The following AUNIP variants were observed in gnomAD, a reference collection of about 807,000 sequenced individuals.
The protein encoded by AUNIP is aurora kinase A- and ninein-interacting protein.
Under a neutral mutation model 12.2 loss-of-function variants are expected in AUNIP, and 16 were observed. The ratio of observed to expected loss-of-function variants is 1.31; its 90% CI spans 0.88 to 1.99. The LOEUF (loss-of-function observed/expected upper bound fraction) is 1.99, where lower values mean the gene tolerates loss of function less well. AUNIP is among the 30% of genes most tolerant of loss of function. AUNIP has a pLI of 0.00. For missense variants in AUNIP, 411 were observed against 419.1 expected (o/e 0.98, Z 0.17); for synonymous variants, 142 against 154.8 (o/e 0.92, Z 0.61).
rs112157382 is a variant in AUNIP, at chr1:25,834,517, T to C, written c.*476A>G. 9.6e-3 allele frequency: 7,375 copies of C among 766,020 alleles called. 374 individuals carry two copies. In the African/African-American group the frequency reaches 0.12, roughly 12 times the overall value. 47.5% of individuals were successfully genotyped at this position (766,020 alleles called of 1,614,324 possible). On this transcript the variant is annotated 3_prime_UTR_variant, in exon 3 of 3. Coordinates refer to ENST00000374298, the MANE Select transcript of AUNIP (RefSeq NM_024037.3). ...CTGTAGTCCCTGCTATTCGGGAGGC[T>C]GAGGCAGGAGAATCGCTTGAATCCG...
intron 1 of AUNIP, among the ~76,000 whole-genome samples, chr1:25,848,893 T>C (rs2048406187): frequency 6.6e-6 from 1 of 152,252 alleles, no homozygotes; most frequent in Admixed American, 6.5e-5. Context: ...GATTTAGGCT[T>C]GGGATTCTCC....
intron 1 of AUNIP, among the ~76,000 whole-genome samples, chr1:25,851,118 T>C (rs964379074): frequency 2.0e-5 from 3 of 152,230 alleles, no homozygotes; most frequent in Non-Finnish European, 4.4e-5. Context: ...TTTTTCTGTG[T>C]CTATTGACAT....
intron 1 of AUNIP, among the ~76,000 whole-genome samples, chr1:25,852,674 G>A (rs1184534143): frequency 4.6e-5 from 7 of 151,324 alleles, no homozygotes; most frequent in Admixed American, 1.3e-4. Context: ...TCCTGACCTC[G>A]GGTGATCCAC....
chr1:25,858,321 C>G (rs2048479690), intron 1 of AUNIP, among the ~76,000 whole-genome samples: 1 of 152,130 alleles, frequency 6.6e-6, no homozygotes. Context: ...ACATAGAAAG[C>G]ACTCAATAAA....
chr1:25,857,402 C>G (rs777556037), intron 1 of AUNIP, among the ~76,000 whole-genome samples: 5 of 151,360 alleles, frequency 3.3e-5, no homozygotes, highest in Admixed American at 2.0e-4. Context: ...CCTGCCACCA[C>G]GCCCAGCAAA....
rs1271002711 is a variant in AUNIP, at chr1:25,835,425, G to C, written c.642C>G (p.His214Gln). Reference sequence around the variant, plus strand: ...AGCATTTGTCCCCAGGTAGTTTGGTGTGTTTCTCCATACTCTGATAGTTCT... The same window carrying C: ...AGCATTTGTCCCCAGGTAGTTTGGTCTGTTTCTCCATACTCTGATAGTTCT... The part of the protein sequence containing the change: ...SKKNYQSMEK[H>Q]TKLPGDKCCQ... The change falls in exon 3 of 3, where the codon CAC (histidine) becomes CAG (glutamine). Residue 214 changes from histidine to glutamine, a missense_variant. His to Gln is a conservative substitution (Grantham distance 24, BLOSUM62 0). Coordinates refer to ENST00000374298, the MANE Select transcript of AUNIP (RefSeq NM_024037.3). 1.2e-6 allele frequency: 2 copies of C among 1,614,224 alleles called. No homozygotes were observed. The highest frequency in any genetic ancestry group is 2.2e-5 in the East Asian group (1 of 44,890).
At chr1:25,841,019 AT>A (rs2048343951) in intron 1 of AUNIP, among the ~76,000 whole-genome samples, 1 of 152,258 alleles carries the variant, frequency 6.6e-6, no homozygotes, top group Non-Finnish European at 1.5e-5. Flanking sequence ...AAAACTACAG[AT>A]TATCAGAAAA....
At chr1:25,858,793 C>A (rs2048482855) in intron 1 of AUNIP, among the ~76,000 whole-genome samples, 1 of 152,226 alleles carries the variant, frequency 6.6e-6, no homozygotes, top group African/African-American at 2.4e-5. Flanking sequence ...ATAGCTTCTA[C>A]TTTTCCCCTC....
rs973672392 is a variant in AUNIP, at chr1:25,834,027, G to A, written c.*966C>T. 2 of 984,502 alleles carry A rather than the reference G, an allele frequency of 2.0e-6. No homozygotes were observed. Among genetic ancestry groups the A allele is most frequent in the Non-Finnish European group, 2.4e-6 (2 of 829,232 alleles). 61.0% of individuals were successfully genotyped at this position (984,502 alleles called of 1,614,324 possible). A position where few individuals can be genotyped will look rare whatever the true frequency, so the allele number is the denominator to read the frequency against. On this transcript the variant is annotated 3_prime_UTR_variant, in exon 3 of 3. Coordinates refer to ENST00000374298, the MANE Select transcript of AUNIP (RefSeq NM_024037.3). The stretch of plus-strand genomic sequence containing the variant: ...GAGCCACTTTGTAAACATTTATTTG[G>A]ATTCATAGTTTTACAAAGGGGATTC...
chr1:25,840,319 A>C (rs560882084), intron 1 of AUNIP, among the ~76,000 whole-genome samples: 1 of 152,304 alleles, frequency 6.6e-6, no homozygotes, highest in African/African-American at 2.4e-5. Flanking sequence ...AACACAAACT[A>C]TACAAAATGA....
chr1:25,857,636 G>A (rs1394767380), intron 1 of AUNIP, among the ~76,000 whole-genome samples: 4 of 151,698 alleles, frequency 2.6e-5, no homozygotes, highest in Admixed American at 2.6e-4. Context: ...GCCGAGACGG[G>A]CGGATCACTT....
Position 25,834,510 on chromosome 1 carries a change from G to T in AUNIP, c.*483C>A. The T allele has an allele frequency of 1.1e-5, 8 of 750,486 alleles. No homozygotes were observed. Among genetic ancestry groups the T allele is most frequent in the Non-Finnish European group, 1.3e-5 (8 of 615,580 alleles). The allele number at this position is 750,486 out of a possible 1,614,324, so 46.5% of individuals were successfully genotyped here. The stretch of plus-strand genomic sequence containing the variant: ...CGCATGCCTGTAGTCCCTGCTATTC[G>T]GGAGGCTGAGGCAGGAGAATCGCTT... On this transcript the variant is annotated 3_prime_UTR_variant, in exon 3 of 3. Transcript: ENST00000374298.
intron 1 of AUNIP, 43 bp downstream of exon 1, chr1:25,859,237 C>T: frequency 6.5e-7 from 1 of 1,550,238 alleles, no homozygotes; most frequent in Non-Finnish European, 8.7e-7. Context: ...CGCCTCCAGG[C>T]CCTACCTGGT....
chr1:25,849,172 C>T (rs1283492100), intron 1 of AUNIP, among the ~76,000 whole-genome samples: 1 of 152,208 alleles, frequency 6.6e-6, no homozygotes, highest in East Asian at 1.9e-4. Flanking sequence ...TCCCACTGCA[C>T]TCCCATTTCC....
intron 1 of AUNIP, among the ~76,000 whole-genome samples, chr1:25,843,185 A>AT (rs1364857694): frequency 0.045 from 5,611 of 124,722 alleles, 183 homozygotes; most frequent in African/African-American, 0.094. Flanking sequence ...AAAAAAAAAA[A>AT]ATATATATAT....
intron 1 of AUNIP, among the ~76,000 whole-genome samples, chr1:25,844,264 G>T (rs2048367564): frequency 6.6e-6 from 1 of 152,100 alleles, no homozygotes; most frequent in Admixed American, 6.6e-5. Flanking sequence ...GCACCACCAT[G>T]CCCGGCTAAT....
At chr1:25,848,381 C>G (rs1378379962) in intron 1 of AUNIP, among the ~76,000 whole-genome samples, 1 of 148,604 alleles carries the variant, frequency 6.7e-6, no homozygotes, top group Non-Finnish European at 1.5e-5. Flanking sequence ...ACATGAAAGG[C>G]TGAGGCAGGA....
chr1:25,833,924 G>A, downstream of AUNIP: 3 of 705,702 alleles, frequency 4.3e-6, no homozygotes, highest in Non-Finnish European at 5.2e-6. Flanking sequence ...CAGGCTCAGG[G>A]CAATGACAGC....
intron 1 of AUNIP, among the ~76,000 whole-genome samples, chr1:25,852,076 C>T (rs1206571385): frequency 6.6e-6 from 1 of 152,112 alleles, no homozygotes; most frequent in Non-Finnish European, 1.5e-5. Flanking sequence ...CCTCAGCCTC[C>T]TGAGTAGCTG....
Sources: allele counts gnomAD v4.1 joint callset (sites outside exome capture counted in the v4.1 genomes callset), GRCh38; gene constraint gnomAD v4.1.1; transcripts MANE v1.5; gene names NCBI Gene and HGNC (gene_info 2026-07-23, HGNC 2026-07-21).